The following CNTNAP2 variants were observed in gnomAD, a reference collection of about 807,000 sequenced individuals.
CNTNAP2 encodes the protein contactin associated protein 2, also known as contactin-associated protein-like 2.
A neutral mutation model predicts 155.2 loss-of-function variants in CNTNAP2; 98 were observed. That is an observed-to-expected ratio of 0.63 (90% CI 0.54 to 0.75). The LOEUF (loss-of-function observed/expected upper bound fraction) is 0.75, where lower values mean the gene tolerates loss of function less well. Among genes scored for constraint, CNTNAP2 ranks in the 30% least tolerant of loss-of-function variants. CNTNAP2 has a pLI of 0.00. For synonymous variants in CNTNAP2, 651 were observed against 631.2 expected (o/e 1.03, Z -0.47); for missense variants, 1,727 against 1,688.1 (o/e 1.02, Z -0.40).
intron 15 of CNTNAP2, among the ~76,000 whole-genome samples, chr7:148,111,537 G>GAAA (rs71834229): frequency 2.1e-5 from 3 of 145,712 alleles, no homozygotes; most frequent in African/African-American, 7.5e-5. Flanking sequence ...AACAAAATTA[G>GAAA]AAAAAAAAAA....
intron 1 of CNTNAP2, among the ~76,000 whole-genome samples, chr7:146,252,773 A>C (rs1055936317): frequency 1.3e-5 from 2 of 152,222 alleles, no homozygotes; most frequent in Non-Finnish European, 2.9e-5. Context: ...GATAACACTT[A>C]ATAGTCCATA....
In CNTNAP2 at chr7:148,062,028, AGTGTGTGTGTGTGT is replaced by A. The variant is rs199528714; in HGVS notation, c.2384-56055_2384-56042del. Among the ~76,000 whole-genome samples, 861 of 105,792 alleles carry A rather than the reference AGTGTGTGTGTGTGT, an allele frequency of 8.1e-3. 12 individuals carry two copies. The highest frequency in any genetic ancestry group is 0.011 in the Non-Finnish European group (574 of 50,166). 69.4% of individuals were successfully genotyped at this position (105,792 alleles called of 152,430 possible). On this transcript the variant is annotated intron_variant, in intron 15 of 23. Transcript: ENST00000361727. ...ATAGATGATAGAGAGAGAGAGAGAG[AGTGTGTGTGTGTGT>A]GTGTGTGTGTGTGTGTGTGTGTGTG...
intron 18 of CNTNAP2, among the ~76,000 whole-genome samples, chr7:148,181,347 A>G (rs533951314): frequency 6.6e-6 from 1 of 152,322 alleles, no homozygotes; most frequent in East Asian, 1.9e-4. Context: ...TTAAAAGCTT[A>G]AAAAATAAAG....
intron 10 of CNTNAP2, among the ~76,000 whole-genome samples, chr7:147,400,615 GA>G (rs1796896299): frequency 6.6e-6 from 1 of 152,130 alleles, no homozygotes; most frequent in Admixed American, 6.5e-5. Flanking sequence ...GCTGCCAGAG[GA>G]ATGTTTTTTA....
chr7:147,782,340 C>T (rs1454595371), intron 13 of CNTNAP2, among the ~76,000 whole-genome samples: 1 of 152,152 alleles, frequency 6.6e-6, no homozygotes, highest in Non-Finnish European at 1.5e-5. Context: ...GTCTTGCAGC[C>T]AAGGCATTCT....
intron 18 of CNTNAP2, among the ~76,000 whole-genome samples, chr7:148,184,730 A>G (rs1166482487): frequency 1.3e-5 from 2 of 152,306 alleles, no homozygotes; most frequent in East Asian, 3.9e-4. Flanking sequence ...GGAATCTTAT[A>G]TTATATAGAA....
chr7:147,858,591 C>T (rs1168089492), intron 13 of CNTNAP2, among the ~76,000 whole-genome samples: 1 of 152,134 alleles, frequency 6.6e-6, no homozygotes, highest in East Asian at 1.9e-4. Flanking sequence ...GTGAATGTGA[C>T]CTTATTTGGG....
intron 10 of CNTNAP2, among the ~76,000 whole-genome samples, chr7:147,417,548 A>G (rs1268511191): frequency 6.6e-6 from 1 of 152,230 alleles, no homozygotes; most frequent in African/African-American, 2.4e-5. Flanking sequence ...ATAAACATTC[A>G]GTCTCTAACA....
chr7:146,576,132 A>G (rs1357837328), intron 1 of CNTNAP2, among the ~76,000 whole-genome samples: 1 of 152,188 alleles, frequency 6.6e-6, no homozygotes, highest in African/African-American at 2.4e-5. Flanking sequence ...TTAACATACT[A>G]AAAGGATCCA....
intron 13 of CNTNAP2, among the ~76,000 whole-genome samples, chr7:147,873,387 A>T (rs2710141): frequency 1.3e-3 from 202 of 152,104 alleles, no homozygotes; most frequent in African/African-American, 4.6e-3. Context: ...ATGGCTGGGG[A>T]GGCCTCACAA....
At chr7:146,405,532 A>C (rs952555022) in intron 1 of CNTNAP2, among the ~76,000 whole-genome samples, 3 of 152,222 alleles carry the variant, frequency 2.0e-5, no homozygotes, top group Non-Finnish European at 4.4e-5. Context: ...ATTGAATTTA[A>C]AGATAACTAA....
intron 1 of CNTNAP2, among the ~76,000 whole-genome samples, chr7:146,617,376 G>A (rs1799243810): frequency 6.6e-6 from 1 of 152,214 alleles, no homozygotes; most frequent in South Asian, 2.1e-4. Context: ...TTTTCTGCGA[G>A]AGGGAACATA....
rs141702447 is a variant in CNTNAP2, at chr7:146,275,179, A to G, written c.97+158206A>G. ...CCCTCTCATTTTCTGTATCAAATAG[A>G]TAAGATTTTTCACATGGATCTTTTG... is the stretch of plus-strand genomic sequence containing the variant. On this transcript the variant is annotated intron_variant, in intron 1 of 23. Transcript: ENST00000361727. Among the ~76,000 whole-genome samples the G allele has an allele frequency of 2.5e-3, 378 of 152,324 alleles. 2 individuals are homozygous for G. Among genetic ancestry groups the G allele is most frequent in the African/African-American group, 8.5e-3 (353 of 41,582 alleles).
At chr7:146,427,919 T>A (rs772933611) in intron 1 of CNTNAP2, among the ~76,000 whole-genome samples, 1 of 152,116 alleles carries the variant, frequency 6.6e-6, no homozygotes, top group Admixed American at 6.6e-5. Flanking sequence ...CAGGCACTAG[T>A]GTGTGTTGTT....
chr7:147,903,594 A>T lies in CNTNAP2; in HGVS notation c.2128A>T (p.Lys710Ter), dbSNP rs767844151. Residue 710 changes from lysine to a stop codon, truncating the protein, a stop_gained, in exon 14 of 24, where the codon AAA becomes TAA. Transcript: ENST00000361727. LOFTEE classifies it high-confidence loss of function. ...AAGCCCTTACACTTGGTGGGTTGGC[A>T]AAGCCAACGAGAAGCACTACTACTG... ...DGSPYTWWVG[K>*]ANEKHYYWGG... The T allele has an allele frequency of 6.2e-7, 1 of 1,614,180 alleles. No homozygotes were observed. The highest frequency in any genetic ancestry group is 8.5e-7 in the Non-Finnish European group (1 of 1,180,008).
At chr7:146,399,135 G>A (rs1208101634) in intron 1 of CNTNAP2, among the ~76,000 whole-genome samples, 1 of 152,034 alleles carries the variant, frequency 6.6e-6, no homozygotes, top group Non-Finnish European at 1.5e-5. Flanking sequence ...ATTGTAGAAT[G>A]GATAAATAAA....
At chr7:146,355,080 A>C (rs1467527095) in intron 1 of CNTNAP2, among the ~76,000 whole-genome samples, 1 of 152,186 alleles carries the variant, frequency 6.6e-6, no homozygotes, top group African/African-American at 2.4e-5. Context: ...TAAGTAAGGT[A>C]AAAATGGGTT....
At chr7:147,827,180 C>T (rs796495043) in intron 13 of CNTNAP2, among the ~76,000 whole-genome samples, 29 of 152,094 alleles carry the variant, frequency 1.9e-4, no homozygotes, top group African/African-American at 6.5e-4. Context: ...GGACTGAAAT[C>T]CCTTCTATAA....
intron 16 of CNTNAP2, among the ~76,000 whole-genome samples, chr7:148,123,402 A>G (rs1418229886): frequency 6.6e-6 from 1 of 152,176 alleles, no homozygotes; most frequent in Non-Finnish European, 1.5e-5. Context: ...AGCCTGGGCA[A>G]CATGGTGAAA....
Sources: gnomAD v4.1 joint callset for allele counts (sites outside exome capture counted in the v4.1 genomes callset) on GRCh38, gnomAD v4.1.1 for gene constraint, MANE v1.5 for transcripts, NCBI Gene and HGNC (gene_info 2026-07-23, HGNC 2026-07-21) for gene names.